KPNA7: variants seen among roughly 807,000 people sequenced by gnomAD.
The protein encoded by KPNA7 is importin subunit alpha-8.
Under a neutral mutation model 53.7 loss-of-function variants are expected in KPNA7, and 54 were observed. The ratio of observed to expected loss-of-function variants is 1.01; its 90% CI spans 0.81 to 1.26. The LOEUF (loss-of-function observed/expected upper bound fraction) is 1.26, where lower values mean the gene tolerates loss of function less well. Ranked by LOEUF, KPNA7 falls within the 50% of genes most tolerant of loss-of-function variation. KPNA7 has a pLI of 0.00. For missense variants in KPNA7, 640 were observed against 644.5 expected (o/e 0.99, Z 0.07); for synonymous variants, 276 against 259.3 (o/e 1.06, Z -0.62).
chr7:99,213,456 A>AAG (rs982801174), intron 1 of KPNA7, among the ~76,000 whole-genome samples: 3,898 of 125,416 alleles, frequency 0.031, 159 homozygotes, highest in African/African-American at 0.048. Context: ...AAAAAAAAAA[A>AAG]AGAGAGAGAG....
chr7:99,190,392 A>G (rs1412379719), intron 6 of KPNA7, among the ~76,000 whole-genome samples: 2 of 151,706 alleles, frequency 1.3e-5, no homozygotes, highest in South Asian at 2.1e-4. Flanking sequence ...TCTTCTTGGC[A>G]ACTGTGACAC....
At chr7:99,164,878 A>G in the KPNA7 span, among the ~76,000 whole-genome samples, 1 of 152,132 alleles carries the variant, frequency 6.6e-6, no homozygotes, top group African/African-American at 2.4e-5. Flanking sequence ...CAGGAGGATC[A>G]CCTGAGGTCA....
intron 3 of KPNA7, among the ~76,000 whole-genome samples, chr7:99,199,926 T>A (rs544038417): frequency 6.6e-6 from 1 of 152,128 alleles, no homozygotes; most frequent in Non-Finnish European, 1.5e-5. Context: ...GCTGGAATTT[T>A]TTTTTTGGTG....
intron 1 of KPNA7, among the ~76,000 whole-genome samples, chr7:99,215,471 G>T (rs1032113332): frequency 5.3e-5 from 8 of 150,708 alleles, no homozygotes; most frequent in Non-Finnish European, 1.0e-4. Context: ...CTGCAGATGA[G>T]ACAGGGTCCT....
chr7:99,152,474 G>A, the KPNA7 span, among the ~76,000 whole-genome samples: 2 of 152,096 alleles, frequency 1.3e-5, no homozygotes, highest in Non-Finnish European at 2.9e-5. Flanking sequence ...CCTTGGATAT[G>A]GGCATACAAA....
At chr7:99,185,345 TTTTA>T (rs1165441218) in intron 7 of KPNA7, among the ~76,000 whole-genome samples, 183 bp from the exon 8 acceptor site, 2 of 152,146 alleles carry the variant, frequency 1.3e-5, no homozygotes, top group African/African-American at 2.4e-5. Context: ...TTAATTTATT[TTTTA>T]TTTATTTATT....
intron 10 of KPNA7, among the ~76,000 whole-genome samples, chr7:99,177,077 C>G (rs754036230): frequency 6.6e-6 from 1 of 152,126 alleles, no homozygotes; most frequent in East Asian, 1.9e-4. Flanking sequence ...TGCTACAACA[C>G]GGATGAATCT....
chr7:99,216,404 TC>T (rs1584327846), intron 1 of KPNA7, among the ~76,000 whole-genome samples: 1 of 152,152 alleles, frequency 6.6e-6, no homozygotes, highest in East Asian at 1.9e-4. Context: ...AAGACAAATG[TC>T]ATCCACCTAG....
intron 1 of KPNA7, among the ~76,000 whole-genome samples, chr7:99,213,548 A>T (rs932945659): frequency 2.6e-5 from 4 of 151,490 alleles, no homozygotes; most frequent in Non-Finnish European, 5.9e-5. Context: ...GGCTCAAATG[A>T]TCCTCCCACC....
Position 99,187,799 on chromosome 7 carries a change from TAAAAA to T in KPNA7, c.900+496_900+500del, listed in dbSNP as rs55867906. Among the ~76,000 whole-genome samples the T allele has an allele frequency of 9.0e-3, 582 of 64,954 alleles. 46 individuals are homozygous for T. The highest frequency in any genetic ancestry group is 0.046 in the African/African-American group (555 of 12,194). The allele number at this position is 64,954 out of a possible 152,430, so 42.6% of individuals were successfully genotyped here. On this transcript the variant is annotated intron_variant, in intron 7 of 10. Transcript: ENST00000327442. ...AGCCACCGTGCCCGGCCTTTTTTTT[TAAAAA>T]AAAAAAAAAAAAAAAAAAAAAAAAA...
At chr7:99,159,049 G>A in the KPNA7 span, among the ~76,000 whole-genome samples, 48 of 152,092 alleles carry the variant, frequency 3.2e-4, no homozygotes, top group African/African-American at 1.2e-3. Context: ...ATTTTTAGTA[G>A]AGACGGGGTT....
intron 3 of KPNA7, among the ~76,000 whole-genome samples, chr7:99,200,866 G>T (rs945556441): frequency 5.3e-5 from 8 of 152,248 alleles, no homozygotes; most frequent in Admixed American, 2.6e-4. Context: ...TACTCGGGAG[G>T]CTGAGGCAGG....
upstream of KPNA7, among the ~76,000 whole-genome samples, chr7:99,208,392 A>G (rs373883588): frequency 4.3e-4 from 65 of 152,232 alleles, no homozygotes; most frequent in African/African-American, 1.4e-3. Flanking sequence ...AGTAGCTGGG[A>G]CTACAGGCAC....
At chr7:99,164,598 C>T in the KPNA7 span, among the ~76,000 whole-genome samples, 5 of 150,910 alleles carry the variant, frequency 3.3e-5, no homozygotes, top group Non-Finnish European at 5.9e-5. Flanking sequence ...CTAACCTGCA[C>T]ATTGTGCACA....
At chr7:99,175,251 G>A (rs1476743595) in intron 10 of KPNA7, among the ~76,000 whole-genome samples, 1 of 152,034 alleles carries the variant, frequency 6.6e-6, no homozygotes, top group Non-Finnish European at 1.5e-5. Context: ...TGCCCAGGTT[G>A]GAGAGCAGTG....
chr7:99,164,631 TTAA>T, the KPNA7 span, among the ~76,000 whole-genome samples: 16 of 19,726 alleles, frequency 8.1e-4, no homozygotes, highest in Admixed American at 1.5e-3. Flanking sequence ...CTTAAAGAAT[TTAA>T]AAAAAAAAAA....
chr7:99,218,263 AG>A (rs1219963605), intron 1 of KPNA7, among the ~76,000 whole-genome samples: 1 of 152,164 alleles, frequency 6.6e-6, no homozygotes, highest in African/African-American at 2.4e-5. Flanking sequence ...CTAGGACTAC[AG>A]GTGCACACTG....
intron 10 of KPNA7, 21 bp downstream of exon 10, chr7:99,177,899 C>T: frequency 1.3e-6 from 2 of 1,551,426 alleles, no homozygotes; most frequent in Non-Finnish European, 1.7e-6. Flanking sequence ...GGATACTCCT[C>T]CACGCTCCTA....
intron 3 of KPNA7, among the ~76,000 whole-genome samples, chr7:99,196,841 AT>A (rs2150753924): frequency 6.6e-6 from 1 of 152,312 alleles, no homozygotes; most frequent in South Asian, 2.1e-4. Context: ...CTTACAGACT[AT>A]TTTGACTCAG....
Sources: gnomAD v4.1 joint callset for allele counts (sites outside exome capture counted in the v4.1 genomes callset) on GRCh38, gnomAD v4.1.1 for gene constraint, MANE v1.5 for transcripts, NCBI Gene and HGNC (gene_info 2026-07-23, HGNC 2026-07-21) for gene names.